AGBL1: variants seen among roughly 807,000 people sequenced by gnomAD.
The protein encoded by AGBL1 is cytosolic carboxypeptidase 4.
A neutral mutation model predicts 118.9 loss-of-function variants in AGBL1; 130 were observed. The observed-to-expected ratio is 1.09, with a 90% CI of 0.95 to 1.26. The LOEUF (loss-of-function observed/expected upper bound fraction) is 1.26. Among genes scored for constraint, AGBL1 ranks in the 50% most tolerant of loss-of-function variants. The pLI is 0.00. For missense variants in AGBL1, 1,584 were observed against 1,298.1 expected, an observed-to-expected ratio of 1.22 and a Z score of -3.38; for synonymous variants, 555 against 478.9, an observed-to-expected ratio of 1.16 and a Z score of -2.08.
chr15:86,520,403 A>T (rs1451390550), intron 18 of AGBL1, among the ~76,000 whole-genome samples: 1 of 152,214 alleles, frequency 6.6e-6, no homozygotes. Context: ...CTCAAATCCT[A>T]TATCTGGTAG....
At chr15:86,746,394 A>G (rs2077757632) in intron 22 of AGBL1, among the ~76,000 whole-genome samples, 1 of 152,014 alleles carries the variant, frequency 6.6e-6, no homozygotes. Flanking sequence ...AGTCCTGGTC[A>G]TTCCTGAGGT....
intron 22 of AGBL1, among the ~76,000 whole-genome samples, chr15:86,738,605 G>A (rs75732720): frequency 0.25 from 38,345 of 151,962 alleles, 5,602 homozygotes; most frequent in South Asian, 0.36. Flanking sequence ...CATCCGTTAC[G>A]CATTATTGTC....
intron 22 of AGBL1, among the ~76,000 whole-genome samples, chr15:86,862,066 T>C (rs1191631076): frequency 6.6e-6 from 1 of 152,162 alleles, no homozygotes; most frequent in Admixed American, 6.5e-5. Flanking sequence ...GCTACCAACC[T>C]CTATAGCATT....
rs915366330 is a variant in AGBL1 at position 86,149,935 on chromosome 15, C to T, written c.263-4495C>T. On this transcript the variant is annotated intron_variant, in intron 3 of 22. Transcript: ENST00000614907. ...AAATCACAACAAACTGTCTCTCAGACCACAGTGTAATCAAATTAGAACTCA... is the reference window on the plus strand; with the variant it reads ...AAATCACAACAAACTGTCTCTCAGATCACAGTGTAATCAAATTAGAACTCA... Among the ~76,000 whole-genome samples the T allele has an allele frequency of 3.3e-5, 5 of 152,322 alleles. No homozygotes were observed. In the South Asian group the frequency reaches 8.3e-4, roughly 25 times the overall value.
chr15:86,552,534 G>T (rs1395743844), intron 20 of AGBL1, among the ~76,000 whole-genome samples: 1 of 152,156 alleles, frequency 6.6e-6, no homozygotes, highest in Non-Finnish European at 1.5e-5. Context: ...CCAGGGGTCT[G>T]GACTAGCAGA....
At chr15:86,916,690 A>C (rs111729912), downstream of AGBL1, among the ~76,000 whole-genome samples, 3,271 of 152,268 alleles carry the variant, frequency 0.021, 73 homozygotes, top group Admixed American at 0.062. Flanking sequence ...TTGGAGGGTG[A>C]AGGGCTGGAC....
intron 17 of AGBL1, among the ~76,000 whole-genome samples, chr15:86,316,167 C>T (rs1417106732): frequency 6.6e-6 from 1 of 152,134 alleles, no homozygotes; most frequent in Non-Finnish European, 1.5e-5. Context: ...AACAGGGTCC[C>T]ATGACAGTAG....
chr15:86,218,120 C>G (rs1030541886), intron 5 of AGBL1, among the ~76,000 whole-genome samples: 7 of 152,078 alleles, frequency 4.6e-5, no homozygotes, highest in African/African-American at 1.7e-4. Context: ...AACCAAGGAC[C>G]AATAGCTCTA....
chr15:86,899,144 C>A (rs1175120967), intron 22 of AGBL1, among the ~76,000 whole-genome samples: 1 of 152,112 alleles, frequency 6.6e-6, no homozygotes, highest in African/African-American at 2.4e-5. Context: ...AATTTAAATG[C>A]CCATCGATGA....
At chr15:86,925,645 G>A (rs1343479352) in intron 23 of AGBL1, among the ~76,000 whole-genome samples, 1 of 151,286 alleles carries the variant, frequency 6.6e-6, no homozygotes, top group Non-Finnish European at 1.5e-5. Flanking sequence ...GGTGCTGACA[G>A]GCTTCCTCTC....
rs1369774081 is a variant in AGBL1 at position 86,267,038 on chromosome 15, T to G, written c.1800T>G (p.Phe600Leu). 1 of 1,570,520 alleles carries G rather than the reference T, an allele frequency of 6.4e-7. No homozygotes were observed. The highest frequency in any genetic ancestry group is 1.9e-5 in the Admixed American group (1 of 53,944). The change falls in exon 13 of 23, where the codon TTT (phenylalanine) becomes TTG (leucine). Residue 600 changes from phenylalanine (F) to leucine (L), a missense_variant. Coordinates refer to ENST00000614907, the MANE Select transcript of AGBL1 (RefSeq NM_001386094.1). ...ATTGTTTACGGTTCTTCTCCAAATT[T>G]GAGTCAGGAAATCTTCGCAAAGCCA... Reference protein sequence around the residue: ...ASNCLRFFSKFESGNLRKAIQ... With the variant: ...ASNCLRFFSKLESGNLRKAIQ...
At chr15:86,181,733 A>T (rs1411837406) in intron 5 of AGBL1, among the ~76,000 whole-genome samples, 1 of 152,058 alleles carries the variant, frequency 6.6e-6, no homozygotes, top group African/African-American at 2.4e-5. Context: ...ATTAAGGAAT[A>T]TGCATAGTAA....
intron 1 of AGBL1, among the ~76,000 whole-genome samples, chr15:86,122,773 G>A (rs1898163102): frequency 6.6e-6 from 1 of 152,124 alleles, no homozygotes; most frequent in South Asian, 2.1e-4. Context: ...GCCTTCCAAA[G>A]TTAATCTGAA....
chr15:86,117,587 G>A (rs889886162), intron 1 of AGBL1, among the ~76,000 whole-genome samples: 5 of 152,150 alleles, frequency 3.3e-5, no homozygotes, highest in Admixed American at 6.5e-5. Flanking sequence ...CTCAGAATGT[G>A]TTTTTAGTGC....
intron 24 of AGBL1, among the ~76,000 whole-genome samples, chr15:87,016,285 G>T (rs984510983): frequency 2.0e-5 from 3 of 152,080 alleles, no homozygotes; most frequent in Admixed American, 1.3e-4. Flanking sequence ...CCATATTTCA[G>T]ATCATTGTTC....
intron 21 of AGBL1, among the ~76,000 whole-genome samples, chr15:86,667,158 T>C (rs867967396): frequency 5.3e-5 from 8 of 152,092 alleles, no homozygotes; most frequent in African/African-American, 1.9e-4. Context: ...TATATTTTTA[T>C]ATATTTATAT....
intron 1 of AGBL1, among the ~76,000 whole-genome samples, chr15:86,113,212 TTTTTCTTTTCTTTTCTTTTCTTTTC>T (rs144582554): frequency 0.04 from 4,877 of 122,132 alleles, 301 homozygotes; most frequent in African/African-American, 0.14. Flanking sequence ...TTTCTTTTTC[TTTTTCTTTTCTTTTCTTTTCTTTTC>T]TTTTCTTTTC....
chr15:86,171,528 A>G (rs565306815), intron 5 of AGBL1, among the ~76,000 whole-genome samples: 2 of 152,340 alleles, frequency 1.3e-5, no homozygotes, highest in South Asian at 4.1e-4. Context: ...GTAAATTGTT[A>G]TAAAAACATT....
At position 86,667,238 on chromosome 15, in the gene AGBL1, G is replaced by GTATCTATCTATCTATC. The variant is rs1317883898; in HGVS notation, c.2995-7032_2995-7031insCTATCTATCTATCTAT. Among the ~76,000 whole-genome samples, 320 of 100,962 alleles carry GTATCTATCTATCTATC rather than the reference G, an allele frequency of 3.2e-3. 1 individual carries two copies. Among genetic ancestry groups the GTATCTATCTATCTATC allele is most frequent in the African/African-American group, 9.0e-3 (279 of 30,836 alleles). 66.2% of individuals were successfully genotyped at this position (100,962 alleles called of 152,430 possible). The stretch of plus-strand genomic sequence containing the variant: ...TCTATGTATGTATGTATGTATGTAT[G>GTATCTATCTATCTATC]TATGTATGTATGTATGTATCTATCT... On this transcript the variant is annotated intron_variant, in intron 21 of 22. Coordinates refer to ENST00000614907, the MANE Select transcript of AGBL1 (RefSeq NM_001386094.1).
Sources: allele counts gnomAD v4.1 joint callset (sites outside exome capture counted in the v4.1 genomes callset), GRCh38; gene constraint gnomAD v4.1.1; transcripts MANE v1.5; gene names NCBI Gene and HGNC (gene_info 2026-07-23, HGNC 2026-07-21).